The following GMDS variants were observed in gnomAD, a reference collection of about 807,000 sequenced individuals.
GMDS encodes GDP-mannose 4,6 dehydratase.
Under a neutral mutation model 49.9 loss-of-function variants are expected in GMDS, and 20 were observed. The ratio of observed to expected loss-of-function variants is 0.40; its 90% CI spans 0.28 to 0.58. The LOEUF is 0.58. Ranked by LOEUF, GMDS falls within the 20% of genes least tolerant of loss-of-function variation. The pLI, the probability that GMDS is intolerant of heterozygous loss-of-function variation, is 0.42. For synonymous variants in GMDS, 177 were observed against 178.6 expected (o/e 0.99, Z 0.07); for missense variants, 362 against 481.4 (o/e 0.75, Z 2.32).
chr6:2,049,565 T>C (rs1770253417), intron 4 of GMDS, among the ~76,000 whole-genome samples: 1 of 152,182 alleles, frequency 6.6e-6, no homozygotes, highest in South Asian at 2.1e-4. Flanking sequence ...GGACTCTACA[T>C]ATGTGATCAA....
At chr6:1,681,599 G>A (rs951681862) in intron 9 of GMDS, among the ~76,000 whole-genome samples, 5 of 152,178 alleles carry the variant, frequency 3.3e-5, no homozygotes, top group African/African-American at 1.2e-4. Context: ...GCATCCGCCA[G>A]CTCCCTGGCA....
At position 1,907,884 on chromosome 6, in the gene GMDS, T is replaced by C. The variant is rs576640848; in HGVS notation, c.771+22219A>G. ...TGTTCCAAAGTCCCCGGTGGATACCTGAAATTGCAAATACCAAACCGTACA... is the reference window on the plus strand; with the variant it reads ...TGTTCCAAAGTCCCCGGTGGATACCCGAAATTGCAAATACCAAACCGTACA... On this transcript the variant is annotated intron_variant, in intron 7 of 10. Transcript: ENST00000380815. Among the ~76,000 whole-genome samples the C allele has an allele frequency of 3.9e-5, 6 of 152,352 alleles. No homozygotes were observed. In the South Asian group the frequency reaches 1.2e-3, roughly 32 times the overall value.
chr6:1,644,422 G>A (rs535425848), intron 9 of GMDS, among the ~76,000 whole-genome samples: 2 of 152,180 alleles, frequency 1.3e-5, no homozygotes, highest in African/African-American at 4.8e-5. Flanking sequence ...CATATGAGCC[G>A]CTAGGCTGCA....
At chr6:1,742,213 C>T (rs550387556) in intron 8 of GMDS, among the ~76,000 whole-genome samples, 5 of 152,078 alleles carry the variant, frequency 3.3e-5, no homozygotes, top group African/African-American at 1.2e-4. Flanking sequence ...AACCACCGCG[C>T]CTGGCCAAAA....
intron 7 of GMDS, among the ~76,000 whole-genome samples, chr6:1,781,405 G>A (rs1365975608): frequency 6.6e-6 from 1 of 152,232 alleles, no homozygotes; most frequent in Non-Finnish European, 1.5e-5. Flanking sequence ...GGTTTCTGCT[G>A]TTGTGCTACT....
chr6:2,204,070 A>G (rs1055307086), intron 1 of GMDS, among the ~76,000 whole-genome samples: 6 of 152,214 alleles, frequency 3.9e-5, no homozygotes, highest in Non-Finnish European at 8.8e-5. Context: ...CTACAAAACT[A>G]GCATCCTAGT....
At chr6:2,107,343 G>A (rs1395389771) in intron 4 of GMDS, among the ~76,000 whole-genome samples, 1 of 152,110 alleles carries the variant, frequency 6.6e-6, no homozygotes, top group African/African-American at 2.4e-5. Context: ...AGGCTTCCAA[G>A]AAGAATCTGA....
intron 8 of GMDS, among the ~76,000 whole-genome samples, chr6:1,728,376 G>A (rs927077639): frequency 7.9e-5 from 12 of 151,990 alleles, no homozygotes; most frequent in African/African-American, 2.4e-4. Flanking sequence ...TTCGTTCTTC[G>A]CAAAGAGAAA....
chr6:1,963,193 T>A (rs961934335), intron 4 of GMDS, among the ~76,000 whole-genome samples: 1 of 151,478 alleles, frequency 6.6e-6, no homozygotes, highest in Admixed American at 6.6e-5. Flanking sequence ...TTTTTTTTTT[T>A]AAAGACAGGG....
chr6:2,093,438 C>A (rs928408521), intron 4 of GMDS, among the ~76,000 whole-genome samples: 10 of 152,040 alleles, frequency 6.6e-5, no homozygotes, highest in Non-Finnish European at 1.2e-4. Flanking sequence ...AAATGATCAG[C>A]AAAGATTCAA....
chr6:1,887,211 A>G (rs1015499344), intron 7 of GMDS, among the ~76,000 whole-genome samples: 4 of 152,180 alleles, frequency 2.6e-5, no homozygotes, highest in Admixed American at 6.5e-5. Context: ...AGTAGATATC[A>G]TTACCACTTT....
Position 1,967,311 on chromosome 6 carries a change from A to G in GMDS, c.346-6345T>C, listed in dbSNP as rs557240128. Among the ~76,000 whole-genome samples the G allele has an allele frequency of 1.6e-3, 247 of 152,362 alleles. 1 individual carries two copies. The highest frequency in any genetic ancestry group is 0.014 in the Middle Eastern group (4 of 294). On this transcript the variant is annotated intron_variant, in intron 4 of 10. Coordinates refer to ENST00000380815, the MANE Select transcript of GMDS (RefSeq NM_001500.4). ...CATCTTGTTCTCCGCAGTGTCTCCC[A>G]TGCCGGAAGCACGCCTTGGCACAGT... is the stretch of plus-strand genomic sequence containing the variant.
Position 1,624,559 on chromosome 6 carries a change from A to C in GMDS, c.988-19T>G. ...GAAAGTCCTAGGGAAGAAGAGGGGG[A>C]GACGAAGCAGGCGTGGGTCGTGGGG... On this transcript the variant is annotated intron_variant, in intron 9 of 10. Transcript: ENST00000380815. The C allele has an allele frequency of 6.3e-7, 1 of 1,579,680 alleles. No individual in the cohort carries two copies.
At chr6:1,990,543 C>G (rs898925507) in intron 4 of GMDS, among the ~76,000 whole-genome samples, 10 of 152,110 alleles carry the variant, frequency 6.6e-5, no homozygotes, top group Admixed American at 1.3e-4. Flanking sequence ...GAACATACCC[C>G]CTGACAAATG....
intron 7 of GMDS, among the ~76,000 whole-genome samples, chr6:1,842,480 T>C (rs6912444): frequency 0.064 from 9,772 of 152,228 alleles, 379 homozygotes; most frequent in South Asian, 0.15. Flanking sequence ...ACTCTGTTTC[T>C]CCAAATGGAG....
intron 4 of GMDS, among the ~76,000 whole-genome samples, chr6:1,994,644 T>G (rs936991758): frequency 6.6e-6 from 1 of 151,886 alleles, no homozygotes; most frequent in Non-Finnish European, 1.5e-5. Context: ...ATCAGAAGTA[T>G]GGGCATATGG....
At chr6:1,755,990 A>C (rs1019098668) in intron 7 of GMDS, among the ~76,000 whole-genome samples, 3 of 152,264 alleles carry the variant, frequency 2.0e-5, no homozygotes, top group Non-Finnish European at 4.4e-5. Context: ...AGAATGGTTG[A>C]AAAATTTTGC....
intron 7 of GMDS, among the ~76,000 whole-genome samples, chr6:1,756,113 C>T (rs1218406506): frequency 5.9e-5 from 9 of 152,096 alleles, no homozygotes; most frequent in African/African-American, 2.2e-4. Context: ...AACAGAATTA[C>T]CATAAACAAT....
At chr6:1,639,270 G>C (rs1763256252) in intron 9 of GMDS, among the ~76,000 whole-genome samples, 1 of 152,214 alleles carries the variant, frequency 6.6e-6, no homozygotes, top group African/African-American at 2.4e-5. Context: ...TTCCCACTGG[G>C]GGAAGTGGAA....
Sources: allele counts gnomAD v4.1 joint callset (sites outside exome capture counted in the v4.1 genomes callset), GRCh38; gene constraint gnomAD v4.1.1; transcripts MANE v1.5; gene names NCBI Gene and HGNC (gene_info 2026-07-23, HGNC 2026-07-21).